SAMSN1: variants seen among roughly 807,000 people sequenced by gnomAD.
SAMSN1 encodes SAM domain, SH3 domain and nuclear localization signals 1, also known as SAM domain-containing protein SAMSN-1.
SAMSN1 carries 31 observed loss-of-function variants against 42.0 expected under a neutral mutation model. The observed-to-expected ratio is 0.74, with a 90% CI of 0.55 to 1.00. The LOEUF is 1.00. Among genes scored for constraint, SAMSN1 ranks in the 50% least tolerant of loss-of-function variants. The pLI is 0.00. For missense variants in SAMSN1, 464 were observed against 439.4 expected (o/e 1.06, Z -0.50); for synonymous variants, 178 against 151.9 (o/e 1.17, Z -1.26).
At chr21:14,584,086 C>T (rs960038348), upstream of SAMSN1, among the ~76,000 whole-genome samples, 15 of 150,640 alleles carry the variant, frequency 1.0e-4, no homozygotes, top group African/African-American at 1.7e-4. Context: ...TGTGAAACAG[C>T]GGAAAAAAAC....
At chr21:14,640,165 A>G (rs1028049925) in intron 2 of SAMSN1, among the ~76,000 whole-genome samples, 1 of 152,216 alleles carries the variant, frequency 6.6e-6, no homozygotes, top group Non-Finnish European at 1.5e-5. Flanking sequence ...TGAAATTCCT[A>G]GTAAGTATGA....
At chr21:14,615,002 G>A (rs927414001) in intron 3 of SAMSN1, among the ~76,000 whole-genome samples, 1 of 152,064 alleles carries the variant, frequency 6.6e-6, no homozygotes, top group African/African-American at 2.4e-5. Context: ...TATATTCTGC[G>A]GAAGCATCAA....
At chr21:14,634,232 T>C (rs531050798) in intron 2 of SAMSN1, among the ~76,000 whole-genome samples, 2 of 151,764 alleles carry the variant, frequency 1.3e-5, no homozygotes, top group African/African-American at 4.8e-5. Context: ...ACGTAGGCAA[T>C]ACCATTCAGG....
At chr21:14,594,069 C>G (rs1427141864) in exon 7 of SAMSN1, 3 of 712,260 alleles carry the variant, frequency 4.2e-6, no homozygotes, top group African/African-American at 1.7e-5. Context: ...CTCCAACATT[C>G]AGAGGTCACC....
intron 7 of SAMSN1, 40 bp from the exon 8 acceptor site, chr21:14,486,154 C>T (rs749773409): frequency 2.1e-6 from 3 of 1,413,536 alleles, no homozygotes; most frequent in Admixed American, 3.6e-5. Context: ...GGTAAAGCAA[C>T]ACAAAATCTT....
chr21:14,630,741 G>A (rs373355369), intron 2 of SAMSN1, among the ~76,000 whole-genome samples: 15 of 152,130 alleles, frequency 9.9e-5, no homozygotes, highest in African/African-American at 3.4e-4. Flanking sequence ...AAAAGATTAC[G>A]TGCACTGTTT....
intron 2 of SAMSN1, among the ~76,000 whole-genome samples, chr21:14,561,993 A>G (rs1204951499): frequency 6.6e-6 from 1 of 152,266 alleles, no homozygotes; most frequent in East Asian, 1.9e-4. Context: ...TTGGACTTTT[A>G]GCCTCCAGAA....
At chr21:14,642,923 TTAA>T in intron 2 of SAMSN1, 1 of 671,296 alleles carries the variant, frequency 1.5e-6, no homozygotes, top group African/African-American at 1.8e-5. Context: ...TTTTGCTGTA[TTAA>T]TAAGTATCAT....
chr21:14,510,144 G>GAAAA (rs112521674), intron 5 of SAMSN1, among the ~76,000 whole-genome samples, 166 bp downstream of exon 5: 7 of 131,068 alleles, frequency 5.3e-5, no homozygotes, highest in African/African-American at 1.9e-4. Context: ...CTCAAAAAAA[G>GAAAA]AAAAAAAAAA....
chr21:14,518,436 A>C (rs1333672659), intron 2 of SAMSN1, among the ~76,000 whole-genome samples: 2 of 126,910 alleles, frequency 1.6e-5, no homozygotes. Context: ...CTCATGTAGA[A>C]CGTTGCAGAT....
chr21:14,573,603 C>A (rs907816192), intron 2 of SAMSN1, among the ~76,000 whole-genome samples: 11 of 152,104 alleles, frequency 7.2e-5, no homozygotes, highest in Non-Finnish European at 1.0e-4. Flanking sequence ...GAAATACGGC[C>A]AACAGGCATC....
chr21:14,543,366 A>T (rs548348566), intron 1 of SAMSN1, among the ~76,000 whole-genome samples: 1 of 152,336 alleles, frequency 6.6e-6, no homozygotes, highest in African/African-American at 2.4e-5. Context: ...TGATAACACT[A>T]CACATGGTAA....
At chr21:14,541,062 A>G (rs1979989902) in intron 1 of SAMSN1, among the ~76,000 whole-genome samples, 1 of 146,072 alleles carries the variant, frequency 6.8e-6, no homozygotes, top group African/African-American at 2.5e-5. Flanking sequence ...GTTCTCACTC[A>G]TCAGTGGGAA....
chr21:14,564,166 G>T (rs1436827779), intron 2 of SAMSN1, among the ~76,000 whole-genome samples: 1 of 152,130 alleles, frequency 6.6e-6, no homozygotes, highest in Non-Finnish European at 1.5e-5. Flanking sequence ...TTTCAAATCA[G>T]ATAATCTAAG....
At chr21:14,530,044 C>T (rs1218249425) in intron 1 of SAMSN1, among the ~76,000 whole-genome samples, 1 of 152,120 alleles carries the variant, frequency 6.6e-6, no homozygotes, top group African/African-American at 2.4e-5. Flanking sequence ...TGGCCGGGCG[C>T]AGTGGCTCAC....
chr21:14,646,003 C>T (rs1371244922), intron 1 of SAMSN1, among the ~76,000 whole-genome samples: 2 of 151,994 alleles, frequency 1.3e-5, no homozygotes, highest in Non-Finnish European at 2.9e-5. Context: ...CAACGTAGCG[C>T]AACTACAGGA....
rs111671809 is a variant in SAMSN1, at chr21:14,563,283, C to T, written c.261+18853G>A. 4.4e-4 allele frequency among the ~76,000 whole-genome samples: 67 copies of T among 152,136 alleles called. 3 individuals are homozygous for T. The highest frequency in any genetic ancestry group is 1.5e-3 in the African/African-American group (63 of 41,502). On this transcript the variant is annotated intron_variant, in intron 2 of 8. Transcript: ENST00000285670. ...TGGAATACCATAACTGACACTGATG[C>T]CAAAATATTAATTATATGACATAGC...
chr21:14,591,738 C>T (rs1476058481), intron 7 of SAMSN1, among the ~76,000 whole-genome samples: 3 of 152,168 alleles, frequency 2.0e-5, no homozygotes, highest in East Asian at 1.9e-4. Context: ...CTAACAAAGC[C>T]ATTTATGTAA....
At chr21:14,587,759 A>AT (rs1242466291), upstream of SAMSN1, among the ~76,000 whole-genome samples, 6 of 150,636 alleles carry the variant, frequency 4.0e-5, no homozygotes, top group African/African-American at 1.5e-4. Context: ...TTATTTATTT[A>AT]TTTATTTTTT....
Sources: gnomAD v4.1 joint callset for allele counts (sites outside exome capture counted in the v4.1 genomes callset) on GRCh38, gnomAD v4.1.1 for gene constraint, MANE v1.5 for transcripts, NCBI Gene and HGNC (gene_info 2026-07-23, HGNC 2026-07-21) for gene names.